The following TMPRSS11F variants were observed in gnomAD, a reference collection of about 807,000 sequenced individuals.
TMPRSS11F encodes transmembrane protease serine 11F.
In TMPRSS11F, 47 loss-of-function variants were observed where a neutral mutation model predicts 60.2. The observed-to-expected ratio is 0.78, with a 90% CI of 0.62 to 1.00. TMPRSS11F has a LOEUF of 1.00. Ranked by LOEUF, TMPRSS11F falls within the 50% of genes least tolerant of loss-of-function variation. TMPRSS11F has a pLI of 0.00. For synonymous variants in TMPRSS11F, 166 were observed against 167.3 expected (o/e 0.99, Z 0.06); for missense variants, 519 against 522.9 (o/e 0.99, Z 0.07).
chr4:68,117,931 C>T (rs777771058), intron 1 of TMPRSS11F, among the ~76,000 whole-genome samples: 30 of 152,140 alleles, frequency 2.0e-4, no homozygotes, highest in Non-Finnish European at 2.9e-4. Context: ...TTGAGAAATA[C>T]TTCTTTTCTT....
At chr4:68,117,119 G>A (rs1332386349) in intron 1 of TMPRSS11F, among the ~76,000 whole-genome samples, 1 of 151,372 alleles carries the variant, frequency 6.6e-6, no homozygotes, top group African/African-American at 2.4e-5. Context: ...AATATCCAAA[G>A]TTTATAAGGA....
At chr4:68,060,125 C>T (rs974654198) in intron 8 of TMPRSS11F, among the ~76,000 whole-genome samples, 4 of 151,684 alleles carry the variant, frequency 2.6e-5, no homozygotes, top group Admixed American at 1.3e-4. Context: ...AAGAACCTCT[C>T]ACAAAGCCAA....
chr4:68,103,368 C>G (rs948444249), intron 1 of TMPRSS11F, among the ~76,000 whole-genome samples: 2 of 151,700 alleles, frequency 1.3e-5, no homozygotes. Context: ...ATCACCTGAG[C>G]CCAGGAGGTC....
At chr4:68,078,164 T>A (rs1470373457) in intron 3 of TMPRSS11F, among the ~76,000 whole-genome samples, 1 of 152,174 alleles carries the variant, frequency 6.6e-6, no homozygotes, top group Non-Finnish European at 1.5e-5. Flanking sequence ...CCTCCCCTGA[T>A]CCTGGTCCAG....
At chr4:68,062,686 G>C (rs760146747) in intron 8 of TMPRSS11F, 1 of 754,290 alleles carries the variant, frequency 1.3e-6, no homozygotes, top group Non-Finnish European at 2.5e-6. Context: ...TGCTGCTTTT[G>C]TTATACACAG....
At chr4:68,098,817 T>C (rs1318214412) in intron 2 of TMPRSS11F, 70 bp downstream of exon 2, 3 of 1,398,460 alleles carry the variant, frequency 2.1e-6, no homozygotes, top group African/African-American at 1.4e-5. Context: ...TCACTTTTTA[T>C]ACAACAGAAA....
At chr4:68,127,858 T>C (rs1214783330) in intron 1 of TMPRSS11F, among the ~76,000 whole-genome samples, 3 of 152,074 alleles carry the variant, frequency 2.0e-5, no homozygotes, top group African/African-American at 7.2e-5. Context: ...AAATGAACAA[T>C]ACCAAAATAA....
chr4:68,118,717 T>G (rs1302934419), intron 1 of TMPRSS11F, among the ~76,000 whole-genome samples: 1 of 152,152 alleles, frequency 6.6e-6, no homozygotes, highest in Non-Finnish European at 1.5e-5. Context: ...ATTAAAAAAT[T>G]TATATGTAAA....
chr4:68,093,965 T>C (rs1373653918), intron 2 of TMPRSS11F, among the ~76,000 whole-genome samples: 2 of 110,228 alleles, frequency 1.8e-5, no homozygotes, highest in African/African-American at 5.9e-5. Flanking sequence ...TGTAAACTAG[T>C]TCAACCATTG....
At chr4:68,107,362 G>A (rs555031535) in intron 1 of TMPRSS11F, among the ~76,000 whole-genome samples, 1 of 152,230 alleles carries the variant, frequency 6.6e-6, no homozygotes, top group South Asian at 2.1e-4. Context: ...TCAAGTAAGA[G>A]GACACAGAAT....
chr4:68,124,967 T>TTTTTTTA (rs397993852), intron 1 of TMPRSS11F, among the ~76,000 whole-genome samples: 2 of 149,348 alleles, frequency 1.3e-5, no homozygotes, highest in South Asian at 4.2e-4. Flanking sequence ...TTTTTTTTTT[T>TTTTTTTA]ACATAGTACA....
chr4:68,063,474 T>G (rs1577911103), intron 8 of TMPRSS11F, among the ~76,000 whole-genome samples: 1 of 152,170 alleles, frequency 6.6e-6, no homozygotes, highest in Middle Eastern at 3.4e-3. Flanking sequence ...CCTCCCAGAG[T>G]CAAGCAATTC....
chr4:68,095,142 A>G (rs1387129595), intron 2 of TMPRSS11F, among the ~76,000 whole-genome samples: 1 of 151,302 alleles, frequency 6.6e-6, no homozygotes, highest in African/African-American at 2.4e-5. Context: ...ATATATATAT[A>G]TACATCATCA....
chr4:68,118,576 T>A (rs1724568974), intron 1 of TMPRSS11F, among the ~76,000 whole-genome samples: 1 of 152,202 alleles, frequency 6.6e-6, no homozygotes, highest in Non-Finnish European at 1.5e-5. Context: ...TCTTTAGTCA[T>A]AAGCTTGGTA....
chr4:68,125,595 T>C lies in TMPRSS11F; in HGVS notation c.11+4215A>G, dbSNP rs187816402. 1.1e-4 allele frequency among the ~76,000 whole-genome samples: 16 copies of C among 152,314 alleles called. 1 individual carries two copies. Among genetic ancestry groups the C allele is most frequent in the African/African-American group, 3.6e-4 (15 of 41,578 alleles). ...GTGCTTCATAATAAATAATGAACCC[T>C]TATAATGCTTGTACGATCCAAGGGT... On this transcript the variant is annotated intron_variant, in intron 1 of 9. Coordinates refer to ENST00000356291, the MANE Select transcript of TMPRSS11F (RefSeq NM_207407.2).
intron 3 of TMPRSS11F, among the ~76,000 whole-genome samples, chr4:68,077,075 C>T (rs1009704398): frequency 2.0e-5 from 3 of 152,206 alleles, no homozygotes; most frequent in African/African-American, 7.2e-5. Context: ...AAGGCCAGTT[C>T]ACAGATGATG....
At chr4:68,107,223 TCTA>T (rs976934449) in intron 1 of TMPRSS11F, among the ~76,000 whole-genome samples, 28 of 152,212 alleles carry the variant, frequency 1.8e-4, no homozygotes, top group African/African-American at 6.8e-4. Flanking sequence ...TCATTGGACA[TCTA>T]CTATGTTCCA....
chr4:68,062,819 G>A (rs3819257), intron 8 of TMPRSS11F: 173,646 of 756,978 alleles, frequency 0.23, 22,274 homozygotes, highest in Admixed American at 0.44. Flanking sequence ...CTCTTGATCC[G>A]TGGATTTCCG....
chr4:68,094,667 A>G (rs985733103), intron 2 of TMPRSS11F, among the ~76,000 whole-genome samples: 14 of 151,998 alleles, frequency 9.2e-5, no homozygotes, highest in African/African-American at 3.4e-4. Flanking sequence ...TAATCCCTAC[A>G]TTCCTGGAAG....
Sources: allele counts gnomAD v4.1 joint callset (sites outside exome capture counted in the v4.1 genomes callset), GRCh38; gene constraint gnomAD v4.1.1; transcripts MANE v1.5; gene names NCBI Gene and HGNC (gene_info 2026-07-23, HGNC 2026-07-21).